Variants in HMMR observed in about 807,000 individuals in gnomAD.
HMMR encodes the protein intracellular hyaluronic acid-binding protein.
Under a neutral mutation model 101.0 loss-of-function variants are expected in HMMR, and 108 were observed. The observed-to-expected ratio is 1.07, with a 90% CI of 0.92 to 1.25. The LOEUF (loss-of-function observed/expected upper bound fraction) is 1.25. Among genes scored for constraint, HMMR ranks in the 50% most tolerant of loss-of-function variants. The probability of loss-of-function intolerance (pLI) is 0.00; values close to 1 mark genes in which losing one functional copy is unlikely to be tolerated. For synonymous variants in HMMR, 296 were observed against 276.4 expected (o/e 1.07, Z -0.70); for missense variants, 813 against 788.7 (o/e 1.03, Z -0.37).
chr5:163,474,879 T>G (rs1046778414), intron 10 of HMMR, among the ~76,000 whole-genome samples: 3 of 152,008 alleles, frequency 2.0e-5, no homozygotes, highest in African/African-American at 7.2e-5. Context: ...TGGAAAGATT[T>G]CAGCAACAGA....
chr5:163,478,759 T>C lies in HMMR; in HGVS notation c.1344T>C (p.Ser448=), dbSNP rs755624512. Residue 448 remains serine, a synonymous_variant, in exon 12 of 18, where the codon AGT becomes AGC. Transcript: ENST00000393915. ...TGCTTTTGCAGGAAAAGTATGACAG[T>C]ATGGTGCAAAGCCTTGAAGATGTTA... ...ATLLLQEKYD[S]MVQSLEDVTA... The C allele has an allele frequency of 4.3e-6, 7 of 1,612,478 alleles. No homozygotes were observed. In the South Asian group the frequency reaches 7.7e-5, roughly 18 times the overall value.
At chr5:163,485,720 C>T (rs1759457146) in intron 16 of HMMR, among the ~76,000 whole-genome samples, 1 of 152,056 alleles carries the variant, frequency 6.6e-6, no homozygotes, top group African/African-American at 2.4e-5. Context: ...ATCTCCTCTG[C>T]CAAATTCAAG....
At chr5:163,475,378 AT>A in intron 10 of HMMR, 79 bp from the exon 11 acceptor site, 1 of 695,716 alleles carries the variant, frequency 1.4e-6, no homozygotes, top group South Asian at 2.1e-5. Flanking sequence ...ATCCTTCTTT[AT>A]CTGTACTTTT....
Position 163,491,385 on chromosome 5 carries a change from C to T in HMMR, c.*221C>T. 2.5e-6 allele frequency: 1 copy of T among 400,320 alleles called. No homozygotes were observed. Among genetic ancestry groups the T allele is most frequent in the Non-Finnish European group, 4.4e-6 (1 of 226,212 alleles). 24.8% of individuals were successfully genotyped at this position (400,320 alleles called of 1,614,324 possible). A position where few individuals can be genotyped will look rare whatever the true frequency, so the allele number is the denominator to read the frequency against. On this transcript the variant is annotated 3_prime_UTR_variant, in exon 18 of 18. Transcript: ENST00000393915. ...CTCACCTTTATCACCTCATTCTGAA[C>T]CCTTTCGCTGGCTTTCCAGCTTAGA...
At chr5:163,480,381 G>C (rs984339751) in intron 12 of HMMR, among the ~76,000 whole-genome samples, 5 of 152,158 alleles carry the variant, frequency 3.3e-5, no homozygotes, top group African/African-American at 9.7e-5. Flanking sequence ...TTTCAGGATT[G>C]AATTGTGTTG....
At chr5:163,474,425 A>T in intron 10 of HMMR, 1 of 531,568 alleles carries the variant, frequency 1.9e-6, no homozygotes, top group South Asian at 1.8e-5. Flanking sequence ...GACAACAGAT[A>T]CAGCAAAATA....
In HMMR at chr5:163,477,402, A is replaced by G. The variant is rs137886489; in HGVS notation, c.1269-1282A>G. On this transcript the variant is annotated intron_variant, in intron 11 of 17. Transcript: ENST00000393915. Reference sequence around the variant, plus strand: ...ATTGTAATATATCTCACACCTGTGTATCTGTCTCAGTGGATACTTTTGTTA... The same window carrying G: ...ATTGTAATATATCTCACACCTGTGTGTCTGTCTCAGTGGATACTTTTGTTA... Among the ~76,000 whole-genome samples the G allele has an allele frequency of 3.6e-3, 550 of 152,308 alleles. 2 individuals carry two copies. Among genetic ancestry groups the G allele is most frequent in the Non-Finnish European group, 6.6e-3 (450 of 68,018 alleles).
Position 163,469,796 on chromosome 5 carries a change from A to G in HMMR, c.429A>G (p.Glu143=), listed in dbSNP as rs1483518430. 1 of 1,610,450 alleles carries G rather than the reference A, an allele frequency of 6.2e-7. No homozygotes were observed. Among genetic ancestry groups the G allele is most frequent in the Non-Finnish European group, 8.5e-7 (1 of 1,176,808 alleles). Reference sequence around the variant, plus strand: ...CTACACTGGAAAAACAACTTATTGAATTGACCAGGACTAATGAACTACTAA... The same window carrying G: ...CTACACTGGAAAAACAACTTATTGAGTTGACCAGGACTAATGAACTACTAA... ...NNATLEKQLI[E]LTRTNELLKS... The change falls in exon 5 of 18, where the codon GAA becomes GAG. Residue 143 remains glutamate, a synonymous_variant. Coordinates refer to ENST00000393915, the MANE Select transcript of HMMR (RefSeq NM_001142556.2).
At chr5:163,475,731 C>A in intron 11 of HMMR, 59 bp downstream of exon 11, 1 of 784,800 alleles carries the variant, frequency 1.3e-6, no homozygotes, top group Non-Finnish European at 2.0e-6. Context: ...ATTTTGAGTA[C>A]TTTTTTTAGT....
At position 163,479,020 on chromosome 5, in the gene HMMR, C is replaced by A. The variant is rs575796994; in HGVS notation, c.1385+220C>A. Among the ~76,000 whole-genome samples the A allele has an allele frequency of 3.9e-5, 6 of 152,276 alleles. No homozygotes were observed. The South Asian group carries it at 1.2e-3, about 32-fold the overall frequency. ...TATAGAAATTCCCCTTTCTCACCAT[C>A]CACTTCAACTTTTATGTGCTGAGCC... On this transcript the variant is annotated intron_variant, in intron 12 of 17. Coordinates refer to ENST00000393915, the MANE Select transcript of HMMR (RefSeq NM_001142556.2).
At chr5:163,483,481 A>C in intron 15 of HMMR, 114 bp downstream of exon 15, 1 of 598,808 alleles carries the variant, frequency 1.7e-6, no homozygotes, top group East Asian at 2.7e-5. Context: ...CTCTGCACTT[A>C]CAGTGCCAAT....
intron 12 of HMMR, among the ~76,000 whole-genome samples, chr5:163,480,904 TC>T (rs1239830263): frequency 6.6e-6 from 1 of 152,158 alleles, no homozygotes; most frequent in African/African-American, 2.4e-5. Flanking sequence ...CTTTTTGGTT[TC>T]TTCTGATGAG....
chr5:163,478,417 T>C (rs1435406026), intron 11 of HMMR, among the ~76,000 whole-genome samples: 5 of 152,182 alleles, frequency 3.3e-5, no homozygotes, highest in Non-Finnish European at 7.3e-5. Flanking sequence ...TAAGATTTGG[T>C]TTTATAGTCT....
At chr5:163,470,282 C>G (rs1758843786) in intron 5 of HMMR, among the ~76,000 whole-genome samples, 1 of 152,136 alleles carries the variant, frequency 6.6e-6, no homozygotes, top group African/African-American at 2.4e-5. Context: ...TTGCAATGGA[C>G]TTTCCAGCAT....
intron 1 of HMMR, among the ~76,000 whole-genome samples, chr5:163,462,806 C>T (rs923026404): frequency 2.7e-5 from 3 of 109,728 alleles, no homozygotes; most frequent in African/African-American, 1.1e-4. Flanking sequence ...CCAGCCTAGA[C>T]AACAGAGCAA....
At chr5:163,483,548 C>T (rs996225047) in intron 15 of HMMR, among the ~76,000 whole-genome samples, 181 bp downstream of exon 15, 13 of 152,030 alleles carry the variant, frequency 8.6e-5, no homozygotes, top group Non-Finnish European at 1.3e-4. Context: ...TTTTTTCCCA[C>T]ATTATTGAAG....
intron 16 of HMMR, among the ~76,000 whole-genome samples, chr5:163,486,704 T>TC (rs1472759523): frequency 6.6e-6 from 1 of 152,256 alleles, no homozygotes; most frequent in Non-Finnish European, 1.5e-5. Context: ...GCTTTGTTCC[T>TC]GATCTAGGGG....
intron 12 of HMMR, among the ~76,000 whole-genome samples, chr5:163,479,364 C>CATCT (rs774449031): frequency 6.9e-4 from 105 of 152,080 alleles, no homozygotes; most frequent in Non-Finnish European, 1.4e-3. Context: ...TGTTAATGTA[C>CATCT]ATCTGTCTGT....
chr5:163,480,841 C>T (rs1301735325), intron 12 of HMMR, among the ~76,000 whole-genome samples: 2 of 152,028 alleles, frequency 1.3e-5, no homozygotes, highest in African/African-American at 4.8e-5. Context: ...TTTTCTTTAT[C>T]AGCCATATGG....
Sources: gnomAD v4.1 joint callset for allele counts (sites outside exome capture counted in the v4.1 genomes callset) on GRCh38, gnomAD v4.1.1 for gene constraint, MANE v1.5 for transcripts, NCBI Gene and HGNC (gene_info 2026-07-23, HGNC 2026-07-21) for gene names.